NCOA1: variants seen among roughly 807,000 people sequenced by gnomAD.
NCOA1 encodes the protein Hin-2 protein.
Under a neutral mutation model 150.9 loss-of-function variants are expected in NCOA1, and 35 were observed. That is an observed-to-expected ratio of 0.23 (90% CI 0.18 to 0.31). NCOA1 has a LOEUF of 0.31. NCOA1 is among the 10% of genes least tolerant of loss of function. NCOA1 has a pLI of 1.00. For synonymous variants in NCOA1, 590 were observed against 630.0 expected, an observed-to-expected ratio of 0.94 and a Z score of 0.95; for missense variants, 1,491 against 1,749.3, an observed-to-expected ratio of 0.85 and a Z score of 2.63.
chr2:24,535,781 G>A (rs534391029), intron 1 of NCOA1, among the ~76,000 whole-genome samples: 3 of 152,184 alleles, frequency 2.0e-5, no homozygotes, highest in South Asian at 2.1e-4. Flanking sequence ...ATTAGCCCCC[G>A]TGCTCTACTG....
intron 5 of NCOA1, among the ~76,000 whole-genome samples, chr2:24,665,308 A>G (rs928718229): frequency 1.1e-4 from 16 of 152,182 alleles, no homozygotes; most frequent in African/African-American, 3.9e-4. Context: ...GAGTTATTGG[A>G]TTTCTAATTA....
Position 24,704,548 on chromosome 2 carries a change from G to T in NCOA1, c.950-538G>T, listed in dbSNP as rs56277377. Among the ~76,000 whole-genome samples the T allele has an allele frequency of 8.4e-3, 1,273 of 152,206 alleles. 4 individuals carry two copies. The highest frequency in any genetic ancestry group is 0.028 in the South Asian group (133 of 4,824). On this transcript the variant is annotated intron_variant, in intron 11 of 22. Coordinates refer to ENST00000348332, the MANE Select transcript of NCOA1 (RefSeq NM_003743.5). ...TCACAGCACTTTGGGATGCCAAGGT[G>T]AATGGATCATTTGAGGTCAGGAGTT... is the stretch of plus-strand genomic sequence containing the variant.
chr2:24,731,714 A>G (rs1007631865), intron 17 of NCOA1, among the ~76,000 whole-genome samples: 2 of 152,276 alleles, frequency 1.3e-5, no homozygotes, highest in Admixed American at 6.5e-5. Flanking sequence ...GTTCTGAGAT[A>G]TTAATTGAAG....
At chr2:24,514,286 A>AG (rs1664063355) in intron 1 of NCOA1, among the ~76,000 whole-genome samples, 1 of 93,564 alleles carries the variant, frequency 1.1e-5, no homozygotes, top group African/African-American at 3.5e-5. Flanking sequence ...ACTCTGTCTC[A>AG]AAAAAAAAAA....
intron 3 of NCOA1, among the ~76,000 whole-genome samples, chr2:24,604,694 A>C (rs984767726): frequency 5.3e-5 from 8 of 152,176 alleles, no homozygotes; most frequent in African/African-American, 1.9e-4. Flanking sequence ...AGCTGGTTTG[A>C]TCTATCCAGA....
chr2:24,659,078 G>T (rs1372301230), intron 5 of NCOA1: 6 of 244,924 alleles, frequency 2.4e-5, no homozygotes, highest in Admixed American at 9.8e-5. Flanking sequence ...ATCTGTCTCA[G>T]ATGTTTTTAT....
intron 4 of NCOA1, among the ~76,000 whole-genome samples, chr2:24,648,974 G>A (rs959344797): frequency 6.6e-6 from 1 of 152,062 alleles, no homozygotes; most frequent in Non-Finnish European, 1.5e-5. Context: ...ATCTAATGCA[G>A]ATCTTCATTT....
chr2:24,687,017 C>A (rs1672437138), intron 8 of NCOA1, among the ~76,000 whole-genome samples: 1 of 151,960 alleles, frequency 6.6e-6, no homozygotes, highest in Admixed American at 6.6e-5. Flanking sequence ...AATTAAACTT[C>A]AAGGAAGCGC....
chr2:24,599,892 G>A lies in NCOA1; in HGVS notation c.-175+15332G>A, dbSNP rs181681842. 2.3e-3 allele frequency among the ~76,000 whole-genome samples: 344 copies of A among 151,770 alleles called. 1 individual carries two copies. Among genetic ancestry groups the A allele is most frequent in the Middle Eastern group, 3.4e-3 (1 of 294 alleles). On this transcript the variant is annotated intron_variant, in intron 3 of 22. Transcript: ENST00000348332. ...ATTACAGGTGCCCGCCACCACGTCCGGCAAATTTTTGTATTTTTAGTAGAG... is the reference window on the plus strand; with the variant it reads ...ATTACAGGTGCCCGCCACCACGTCCAGCAAATTTTTGTATTTTTAGTAGAG...
chr2:24,659,691 G>A (rs1252416609), intron 5 of NCOA1, among the ~76,000 whole-genome samples: 2 of 152,126 alleles, frequency 1.3e-5, no homozygotes, highest in Non-Finnish European at 2.9e-5. Context: ...TCATCTTCTA[G>A]GATTTAGAGG....
intron 8 of NCOA1, among the ~76,000 whole-genome samples, chr2:24,687,435 G>A (rs534045807): frequency 4.0e-4 from 61 of 152,030 alleles, no homozygotes; most frequent in African/African-American, 1.4e-3. Flanking sequence ...CATGTCATGG[G>A]GGTTTGTTGT....
At chr2:24,655,547 T>G (rs937658970) in intron 4 of NCOA1, among the ~76,000 whole-genome samples, 2 of 152,186 alleles carry the variant, frequency 1.3e-5, no homozygotes, top group Admixed American at 1.3e-4. Flanking sequence ...TTTAGGAGAT[T>G]GGATGTTGTC....
chr2:24,686,341 C>T (rs913317530), intron 8 of NCOA1, among the ~76,000 whole-genome samples: 4 of 152,136 alleles, frequency 2.6e-5, no homozygotes, highest in Non-Finnish European at 5.9e-5. Flanking sequence ...ACTGCTACTT[C>T]TTCCTGTACA....
intron 1 of NCOA1, among the ~76,000 whole-genome samples, chr2:24,516,050 G>C (rs1461701326): frequency 6.6e-6 from 1 of 152,076 alleles, no homozygotes; most frequent in Non-Finnish European, 1.5e-5. Flanking sequence ...CACTCTGGTG[G>C]CTTGACTCCT....
intron 22 of NCOA1, among the ~76,000 whole-genome samples, chr2:24,767,038 T>C (rs1183122709): frequency 6.6e-6 from 1 of 152,112 alleles, no homozygotes; most frequent in African/African-American, 2.4e-5. Context: ...GTCTGCCTCA[T>C]CTGAGAGGAA....
chr2:24,696,336 A>ATTC lies in NCOA1; in HGVS notation c.809-1322_809-1321insTTC, dbSNP rs1672897631. Reference sequence around the variant, plus strand: ...ATGATAGATTTGAGTTGATTGTATGAAGAAGGGGAAGATGGGGAAAATATT... The same window carrying ATTC: ...ATGATAGATTTGAGTTGATTGTATGATTCAGAAGGGGAAGATGGGGAAAATATT... On this transcript the variant is annotated intron_variant, in intron 10 of 22. Transcript: ENST00000348332. Among the ~76,000 whole-genome samples the ATTC allele has an allele frequency of 2.0e-5, 3 of 152,332 alleles. No homozygotes were observed. In the South Asian group the frequency reaches 6.2e-4, roughly 32 times the overall value.
chr2:24,745,157 C>CTTTTTTTTTTT (rs201221705), intron 19 of NCOA1, among the ~76,000 whole-genome samples: 1 of 131,686 alleles, frequency 7.6e-6, no homozygotes, highest in Non-Finnish European at 1.6e-5. Flanking sequence ...TTTCTTTTTT[C>CTTTTTTTTTTT]TTTTTTTTTT....
chr2:24,560,393 A>C (rs1472428352), intron 1 of NCOA1, among the ~76,000 whole-genome samples: 1 of 151,270 alleles, frequency 6.6e-6, no homozygotes, highest in Admixed American at 6.6e-5. Flanking sequence ...TGTGACCTCC[A>C]CTCTTTGTTA....
At chr2:24,516,623 A>G (rs1411247815) in intron 1 of NCOA1, among the ~76,000 whole-genome samples, 1 of 151,814 alleles carries the variant, frequency 6.6e-6, no homozygotes, top group African/African-American at 2.4e-5. Flanking sequence ...GTCAATGAAT[A>G]TATTAATACA....
Sources: gnomAD v4.1 joint callset for allele counts (sites outside exome capture counted in the v4.1 genomes callset) on GRCh38, gnomAD v4.1.1 for gene constraint, MANE v1.5 for transcripts, NCBI Gene and HGNC (gene_info 2026-07-23, HGNC 2026-07-21) for gene names.